The following OR11H4 variants were observed in gnomAD, a reference collection of about 807,000 sequenced individuals.
OR11H4 encodes olfactory receptor family 11 subfamily H member 4.
For synonymous variants in OR11H4, 162 were observed against 142.3 expected (o/e 1.14, Z -0.98); for missense variants, 460 against 371.1 (o/e 1.24, Z -1.97).
chr14:20,240,800 C>G (rs1448946609), intron 1 of OR11H4, among the ~76,000 whole-genome samples: 2 of 151,922 alleles, frequency 1.3e-5, no homozygotes, highest in African/African-American at 2.4e-5. Flanking sequence ...TGGTCTCAAA[C>G]TCCTGACTTC....
intron 1 of OR11H4, among the ~76,000 whole-genome samples, chr14:20,240,895 G>C (rs1436268500): frequency 1.3e-5 from 2 of 151,992 alleles, no homozygotes; most frequent in Non-Finnish European, 2.9e-5. Flanking sequence ...ACTTTTTTAA[G>C]ACTTAATCAG....
At chr14:20,240,422 C>A (rs1245834131) in intron 1 of OR11H4, among the ~76,000 whole-genome samples, 1 of 152,110 alleles carries the variant, frequency 6.6e-6, no homozygotes, top group Non-Finnish European at 1.5e-5. Context: ...TTCAAATCTT[C>A]GTTCCCAAGA....
In OR11H4 at chr14:20,243,781, A is replaced by C; in HGVS notation, c.*15A>C. On this transcript the variant is annotated 3_prime_UTR_variant, in exon 2 of 2. Coordinates refer to ENST00000641082, the MANE Select transcript of OR11H4 (RefSeq NM_001004479.2). ...AAAATTCGTGAGCCAAAGATGTGCC[A>C]TACTTACAAGTTCTAACGAAGAACA... 6.4e-7 allele frequency: 1 copy of C among 1,554,734 alleles called. No homozygotes were observed. Among genetic ancestry groups the C allele is most frequent in the Non-Finnish European group, 8.7e-7 (1 of 1,152,634 alleles).
Position 20,243,641 on chromosome 14 carries a change from C to T in OR11H4, c.820C>T (p.Leu274Phe). The T allele has an allele frequency of 4.3e-6, 7 of 1,614,050 alleles. No individual in the cohort carries two copies. The highest frequency in any genetic ancestry group is 5.9e-6 in the Non-Finnish European group (7 of 1,179,964). ...YGIPTLLQKI[L>F]TLVYSVTTPL... is the part of the protein sequence containing the mutation. The stretch of plus-strand genomic sequence containing the variant: ...GATCCCAACTTTATTGCAGAAGATC[C>T]TCACACTGGTATATTCAGTAACGAC... Residue 274 changes from leucine (L) to phenylalanine (F), a missense_variant, in exon 2 of 2, where the codon CTC becomes TTC. Physicochemically the swap from Leu to Phe is conservative, Grantham distance 22 (BLOSUM62 0). Transcript: ENST00000641082.
In OR11H4 at chr14:20,243,329, G is replaced by A; in HGVS notation, c.508G>A (p.Gly170Ser). 1.2e-6 allele frequency: 2 copies of A among 1,613,822 alleles called. No individual in the cohort carries two copies. Among genetic ancestry groups the A allele is most frequent in the Middle Eastern group, 1.6e-4 (1 of 6,062 alleles). The change falls in exon 2 of 2, where the codon GGT becomes AGT. Residue 170 changes from glycine to serine, a missense_variant. Gly to Ser is a moderately conservative substitution (Grantham distance 56, BLOSUM62 0). Transcript: ENST00000641082. ...IFYISQLPFC[G>S]PNIIDHFLCD... ...CTACATCTCCCAACTCCCCTTCTGT[G>A]GTCCTAATATCATTGATCACTTCCT... is the stretch of plus-strand genomic sequence containing the variant.
intron 1 of OR11H4, among the ~76,000 whole-genome samples, chr14:20,239,676 A>C (rs1880874603): frequency 6.6e-6 from 1 of 152,034 alleles, no homozygotes; most frequent in African/African-American, 2.4e-5. Flanking sequence ...CCTCGGCGAC[A>C]GAGCGAGACT....
chr14:20,241,051 G>A (rs376226868), intron 1 of OR11H4, among the ~76,000 whole-genome samples: 50 of 151,892 alleles, frequency 3.3e-4, no homozygotes, highest in African/African-American at 1.2e-3. Flanking sequence ...CTTCCTTTCA[G>A]TAAACAAAAT....
chr14:20,243,555 T>C lies in OR11H4; in HGVS notation c.734T>C (p.Leu245Ser). The C allele has an allele frequency of 6.2e-7, 1 of 1,613,424 alleles. No homozygotes were observed. The highest frequency in any genetic ancestry group is 1.3e-5 in the African/African-American group (1 of 74,978). The part of the protein sequence containing the change: ...RKAFSTCGSH[L>S]VVVSLFYGTV... ...GCCTTCTCTACCTGTGGTTCTCATT[T>C]GGTTGTGGTATCTCTTTTCTATGGG... The change falls in exon 2 of 2, where the codon TTG becomes TCG. Residue 245 changes from leucine (L) to serine (S), a missense_variant. Coordinates refer to ENST00000641082, the MANE Select transcript of OR11H4 (RefSeq NM_001004479.2).
At chr14:20,240,370 TA>T (rs1880887666) in intron 1 of OR11H4, among the ~76,000 whole-genome samples, 1 of 152,188 alleles carries the variant, frequency 6.6e-6, no homozygotes, top group Admixed American at 6.5e-5. Context: ...TTTCCCTTTT[TA>T]TGCATCCTTA....
Position 20,243,300 on chromosome 14 carries a change from T to G in OR11H4, c.479T>G (p.Ile160Ser). 6.2e-7 allele frequency: 1 copy of G among 1,614,136 alleles called. No homozygotes were observed. Among genetic ancestry groups the G allele is most frequent in the Non-Finnish European group, 8.5e-7 (1 of 1,180,008 alleles). Residue 160 changes from isoleucine to serine, a missense_variant, in exon 2 of 2, where the codon ATT (isoleucine) becomes AGT (serine). Coordinates refer to ENST00000641082, the MANE Select transcript of OR11H4 (RefSeq NM_001004479.2). ...GGATTCCTTGGATACCCAATTCCCA[T>G]TTTCTACATCTCCCAACTCCCCTTC... is the stretch of plus-strand genomic sequence containing the variant. ...LIGFLGYPIPIFYISQLPFCG... is the reference protein window; with the variant it reads ...LIGFLGYPIPSFYISQLPFCG...
chr14:20,243,305 T>C lies in OR11H4; in HGVS notation c.484T>C (p.Tyr162His), dbSNP rs755062564. 7 of 1,614,050 alleles carry C rather than the reference T, an allele frequency of 4.3e-6. No homozygotes were observed. The African/African-American group carries it at 9.3e-5, about 22-fold the overall frequency. Residue 162 changes from tyrosine (Y) to histidine (H), a missense_variant, in exon 2 of 2, where the codon TAC (tyrosine) becomes CAC (histidine). Coordinates refer to ENST00000641082, the MANE Select transcript of OR11H4 (RefSeq NM_001004479.2). ...CCTTGGATACCCAATTCCCATTTTC[T>C]ACATCTCCCAACTCCCCTTCTGTGG... ...GFLGYPIPIFYISQLPFCGPN... is the reference protein window; with the variant it reads ...GFLGYPIPIFHISQLPFCGPN...
At chr14:20,242,412 C>T (rs532016002) in intron 1 of OR11H4, among the ~76,000 whole-genome samples, 1 of 152,296 alleles carries the variant, frequency 6.6e-6, no homozygotes, top group South Asian at 2.1e-4. Flanking sequence ...TTTTTGTGAG[C>T]TCCAGGTTGG....
In OR11H4 at chr14:20,242,838, C is replaced by G; in HGVS notation, c.17C>G (p.Thr6Arg). The change falls in exon 2 of 2, where the codon ACA (threonine) becomes AGA (arginine). Residue 6 changes from threonine (T) to arginine (R), a missense_variant. Physicochemically the swap from Thr to Arg is moderately conservative, Grantham distance 71. Transcript: ENST00000641082. Reference protein sequence around the residue: MNRSATHIVTEFILLG... With the variant: MNRSARHIVTEFILLG... ...TTAAGACCCATGAACAGGTCAGCAACACACATCGTGACAGAGTTTATTCTC... is the reference window on the plus strand; with the variant it reads ...TTAAGACCCATGAACAGGTCAGCAAGACACATCGTGACAGAGTTTATTCTC... 1.2e-6 allele frequency: 2 copies of G among 1,613,996 alleles called. No individual in the cohort carries two copies. The highest frequency in any genetic ancestry group is 1.7e-5 in the Admixed American group (1 of 60,026).
chr14:20,242,156 C>T (rs1053926843), intron 1 of OR11H4, among the ~76,000 whole-genome samples: 14 of 152,012 alleles, frequency 9.2e-5, no homozygotes, highest in Non-Finnish European at 1.5e-4. Context: ...GGCTGGGGGA[C>T]GGTCAGGTCT....
intron 1 of OR11H4, among the ~76,000 whole-genome samples, chr14:20,241,246 A>G (rs148013135): frequency 6.6e-5 from 10 of 152,296 alleles, no homozygotes; most frequent in African/African-American, 2.4e-4. Context: ...TTTGTATAGT[A>G]TGTGTAAAAA....
At chr14:20,240,769 T>C (rs1263629562) in intron 1 of OR11H4, among the ~76,000 whole-genome samples, 4 of 151,452 alleles carry the variant, frequency 2.6e-5, no homozygotes. Context: ...CAGACAAGGG[T>C]TTTCACCATG....
rs866459300 is a variant in OR11H4, at chr14:20,242,943, G to T, written c.122G>T (p.Gly41Val). 6.2e-7 allele frequency: 1 copy of T among 1,614,068 alleles called. No individual in the cohort carries two copies. Among genetic ancestry groups the T allele is most frequent in the African/African-American group, 1.3e-5 (1 of 75,006 alleles). ...FLVIYVLTLL[G>V]NGAIIYAVRC... ...GTGATTTATGTCTTGACCTTGCTGG[G>T]AAATGGAGCCATCATCTATGCAGTG... is the stretch of plus-strand genomic sequence containing the variant. Residue 41 changes from glycine to valine, a missense_variant, in exon 2 of 2, where the codon GGA becomes GTA. By Grantham distance (109) the Gly-to-Val change is moderately radical (BLOSUM62 -3). Transcript: ENST00000641082.
rs1880980990 is a variant in OR11H4, at chr14:20,243,268, G to C, written c.447G>C (p.Trp149Cys). The C allele has an allele frequency of 3.1e-6, 5 of 1,614,124 alleles. No homozygotes were observed. The highest frequency in any genetic ancestry group is 4.2e-6 in the Non-Finnish European group (5 of 1,180,028). Reference sequence around the variant, plus strand: ...GTGGTAAGCTGGTGTCTTTCTGTTGGCTTATTGGATTCCTTGGATACCCAA... The same window carrying C: ...GTGGTAAGCTGGTGTCTTTCTGTTGCCTTATTGGATTCCTTGGATACCCAA... ...RFCGKLVSFC[W>C]LIGFLGYPIP... is the part of the protein sequence containing the mutation. The change falls in exon 2 of 2, where the codon TGG becomes TGC. Residue 149 changes from tryptophan (W) to cysteine (C), a missense_variant. Transcript: ENST00000641082.
chr14:20,243,485 C>T lies in OR11H4; in HGVS notation c.664C>T (p.Leu222=), dbSNP rs751223699. 1.2e-6 allele frequency: 2 copies of T among 1,613,978 alleles called. No individual in the cohort carries two copies. The highest frequency in any genetic ancestry group is 2.2e-5 in the South Asian group (2 of 91,028). ...CATTCTTCGATCCTATATCCTGTTA[C>T]TAACAGCTGTTTTTCAGGTCCCTTC... ...MYILRSYILL[L]TAVFQVPSAA... Residue 222 remains leucine, a synonymous_variant, in exon 2 of 2, where the codon CTA becomes TTA. Coordinates refer to ENST00000641082, the MANE Select transcript of OR11H4 (RefSeq NM_001004479.2).
Sources: gnomAD v4.1 joint callset for allele counts (sites outside exome capture counted in the v4.1 genomes callset) on GRCh38, gnomAD v4.1.1 for gene constraint, MANE v1.5 for transcripts, NCBI Gene and HGNC (gene_info 2026-07-23, HGNC 2026-07-21) for gene names.